The following ACTA2 variants were observed in gnomAD, a reference collection of about 807,000 sequenced individuals.
ACTA2 encodes the protein actin alpha 2, smooth muscle.
In ACTA2, 12 loss-of-function variants were observed where a neutral mutation model predicts 39.5. The ratio of observed to expected loss-of-function variants is 0.30; its 90% CI spans 0.19 to 0.49. The LOEUF (loss-of-function observed/expected upper bound fraction) is 0.49, where lower values mean the gene tolerates loss of function less well. Ranked by LOEUF, ACTA2 falls within the 20% of genes least tolerant of loss-of-function variation. The pLI is 0.99. For missense variants in ACTA2, 236 were observed against 498.8 expected (o/e 0.47, Z 5.02); for synonymous variants, 158 against 180.6 (o/e 0.88, Z 1.00).
At chr10:88,969,302 C>A (rs533108350) in intron 1 of ACTA2, among the ~76,000 whole-genome samples, 29 of 151,540 alleles carry the variant, frequency 1.9e-4, no homozygotes, top group African/African-American at 6.5e-4. Flanking sequence ...AATTTTCCAT[C>A]AAAAAAAAAT....
rs367885573 is a variant in ACTA2, at chr10:88,990,942, G to A, written c.-27C>T. The A allele has an allele frequency of 1.0e-4, 161 of 1,613,938 alleles. No individual in the cohort carries two copies. Among genetic ancestry groups the A allele is most frequent in the Non-Finnish European group, 1.3e-4 (149 of 1,179,932 alleles). ...TCCTGCCCGGGTGGAGGCTTACCCCGTCTTAGTCCCGGGGATAGGCAAAGT... is the reference window on the plus strand; with the variant it reads ...TCCTGCCCGGGTGGAGGCTTACCCCATCTTAGTCCCGGGGATAGGCAAAGT... On this transcript the variant is annotated 5_prime_UTR_variant, in exon 1 of 5. Transcript: ENST00000415557. This position sits in a 1 kb window ranked among gnomAD's most constrained non-coding sequence, Gnocchi z 4.9.
intron 1 of ACTA2, among the ~76,000 whole-genome samples, chr10:88,965,003 G>A (rs1258946256): frequency 6.6e-6 from 1 of 152,064 alleles, no homozygotes; most frequent in East Asian, 1.9e-4. Context: ...CCAGCCCTGT[G>A]TATTCTATTT....
chr10:88,936,270 G>C (rs879259872), intron 8 of ACTA2, among the ~76,000 whole-genome samples: 6 of 152,120 alleles, frequency 3.9e-5, no homozygotes, highest in Non-Finnish European at 7.4e-5. Flanking sequence ...ATTCAAACCT[G>C]GGTTCTCCCA....
chr10:88,968,838 C>A (rs1846369600), intron 1 of ACTA2, among the ~76,000 whole-genome samples: 1 of 152,256 alleles, frequency 6.6e-6, no homozygotes, highest in Non-Finnish European at 1.5e-5. Context: ...TCCCTTATAC[C>A]TTATTCATCC....
intron 3 of ACTA2, among the ~76,000 whole-genome samples, chr10:88,944,927 A>G (rs1845918412): frequency 6.6e-6 from 1 of 152,242 alleles, no homozygotes; most frequent in Non-Finnish European, 1.5e-5. Context: ...GTGAAAGCTT[A>G]CAAATTAGCA....
At chr10:88,961,163 A>G (rs545233032) in intron 1 of ACTA2, among the ~76,000 whole-genome samples, 1 of 152,288 alleles carries the variant, frequency 6.6e-6, no homozygotes, top group South Asian at 2.1e-4. Context: ...GTGAAAATAT[A>G]AGTAGCACTC....
At chr10:88,958,340 A>G (rs1846171085) in intron 1 of ACTA2, among the ~76,000 whole-genome samples, 1 of 152,238 alleles carries the variant, frequency 6.6e-6, no homozygotes, top group Non-Finnish European at 1.5e-5. Flanking sequence ...ACTAATAGTT[A>G]TCAGACAATG....
At chr10:88,951,643 G>A (rs1334080054) in intron 1 of ACTA2, among the ~76,000 whole-genome samples, 1 of 152,142 alleles carries the variant, frequency 6.6e-6, no homozygotes, top group Admixed American at 6.5e-5. Flanking sequence ...TGAGCAGTTC[G>A]GTTTGGAGCA....
At chr10:88,952,413 A>T (rs1422699925) in intron 1 of ACTA2, among the ~76,000 whole-genome samples, 1 of 152,214 alleles carries the variant, frequency 6.6e-6, no homozygotes, top group Non-Finnish European at 1.5e-5. Flanking sequence ...CTTACTGCAC[A>T]CAGCTAACCT....
intron 1 of ACTA2, among the ~76,000 whole-genome samples, chr10:88,966,930 A>T (rs1237462576): frequency 6.6e-6 from 1 of 152,220 alleles, no homozygotes; most frequent in African/African-American, 2.4e-5. Flanking sequence ...TACCATTAGG[A>T]GATCCTGAGG....
At chr10:88,961,673 G>T (rs189086617) in intron 1 of ACTA2, among the ~76,000 whole-genome samples, 27 of 152,296 alleles carry the variant, frequency 1.8e-4, no homozygotes, top group Admixed American at 1.6e-3. Context: ...AAGAGGACAA[G>T]ATCTTTACAT....
At chr10:88,943,951 C>G in intron 3 of ACTA2, 44 bp from the exon 4 acceptor site, 1 of 1,569,080 alleles carries the variant, frequency 6.4e-7, no homozygotes, top group African/African-American at 1.3e-5. Context: ...GATGTGCTGT[C>G]ATGAGGTCCT....
At chr10:88,954,652 C>T (rs1486259439), upstream of ACTA2, among the ~76,000 whole-genome samples, 3 of 152,142 alleles carry the variant, frequency 2.0e-5, no homozygotes, top group African/African-American at 7.2e-5. Flanking sequence ...TCATTTCTAC[C>T]ATTAGTGTAC....
intron 4 of ACTA2, among the ~76,000 whole-genome samples, chr10:88,942,129 A>C (rs1222157471): frequency 6.6e-6 from 1 of 152,176 alleles, no homozygotes; most frequent in Non-Finnish European, 1.5e-5. Context: ...AGGGGAAAGG[A>C]AAGTCCAGCT....
At chr10:88,964,896 C>A (rs1354658969) in intron 1 of ACTA2, among the ~76,000 whole-genome samples, 9 of 152,158 alleles carry the variant, frequency 5.9e-5, no homozygotes, top group Admixed American at 5.9e-4. Flanking sequence ...CTCTGCCCTC[C>A]TGTTTGCTGC....
At chr10:88,941,455 TAGAG>T (rs1845850492) in intron 5 of ACTA2, 65 bp from the exon 6 acceptor site, 1 of 1,598,622 alleles carries the variant, frequency 6.3e-7, no homozygotes, top group Admixed American at 1.7e-5. Context: ...GCTGGACAAG[TAGAG>T]GGAAGCCTTG....
At chr10:88,946,638 C>T (rs1039571652) in intron 3 of ACTA2, among the ~76,000 whole-genome samples, 4 of 152,148 alleles carry the variant, frequency 2.6e-5, no homozygotes, top group Admixed American at 2.0e-4. Flanking sequence ...GCGATCCTCC[C>T]ACCTTGGCCT....
At chr10:88,942,685 C>G (rs571624660) in intron 4 of ACTA2, among the ~76,000 whole-genome samples, 4 of 152,236 alleles carry the variant, frequency 2.6e-5, no homozygotes, top group African/African-American at 9.6e-5. Context: ...TAAGACCCTT[C>G]CTACTCTATT....
rs568839292 is a variant in ACTA2 at position 88,967,655 on chromosome 10, G to A, written c.-23-18702C>T. ...CTTGTTTCTTGAACTTTCAAAGACA[G>A]AAGATGAACATATAAAATAGAATAT... is the stretch of plus-strand genomic sequence containing the variant. On this transcript the variant is annotated intron_variant, in intron 1 of 4. Coordinates refer to the ACTA2 transcript ENST00000415557. Among the ~76,000 whole-genome samples the A allele has an allele frequency of 9.9e-5, 15 of 152,276 alleles. No individual in the cohort carries two copies. The South Asian group carries it at 3.1e-3, about 32-fold the overall frequency.
Sources: gnomAD v4.1 joint callset for allele counts (sites outside exome capture counted in the v4.1 genomes callset) on GRCh38, gnomAD v4.1.1 for gene constraint, Gnocchi (gnomAD v3.1) non-coding constraint, MANE v1.5 for transcripts, NCBI Gene and HGNC (gene_info 2026-07-23, HGNC 2026-07-21) for gene names.